The following SLC2A1 variants were observed in gnomAD, a reference collection of about 807,000 sequenced individuals.
The protein encoded by SLC2A1 is solute carrier family 2 member 1.
Under a neutral mutation model 46.6 loss-of-function variants are expected in SLC2A1, and 4 were observed. The ratio of observed to expected loss-of-function variants is 0.09; its 90% CI spans 0.04 to 0.20. The LOEUF is 0.20. Among genes scored for constraint, SLC2A1 ranks in the 10% least tolerant of loss-of-function variants. SLC2A1 has a pLI of 1.00. For missense variants in SLC2A1, 352 were observed against 667.0 expected, an observed-to-expected ratio of 0.53 and a Z score of 5.20; for synonymous variants, 253 against 270.0, an observed-to-expected ratio of 0.94 and a Z score of 0.62.
chr1:42,951,641 T>C (rs1643721066), intron 1 of SLC2A1: 2 of 393,764 alleles, frequency 5.1e-6, no homozygotes, highest in Non-Finnish European at 4.5e-6. Flanking sequence ...ATTATGCTTC[T>C]CTGTAGTTGG....
At chr1:42,952,785 T>A (rs1643735752) in intron 1 of SLC2A1, 1 of 192,536 alleles carries the variant, frequency 5.2e-6, no homozygotes, top group African/African-American at 2.3e-5. Context: ...TTTGTTTCTT[T>A]CCTTGAACTG....
At chr1:42,941,713 A>G (rs1643599901) in intron 2 of SLC2A1, among the ~76,000 whole-genome samples, 1 of 152,166 alleles carries the variant, frequency 6.6e-6, no homozygotes, top group South Asian at 2.1e-4. Context: ...CCAAGTGGAG[A>G]GCTCAACCTC....
At chr1:42,938,943 C>T (rs1195007045) in intron 2 of SLC2A1, among the ~76,000 whole-genome samples, 2 of 152,268 alleles carry the variant, frequency 1.3e-5, no homozygotes, top group East Asian at 1.9e-4. Context: ...GGGTCTCTCC[C>T]ACTGCTGTGG....
intron 1 of SLC2A1, among the ~76,000 whole-genome samples, chr1:42,955,160 G>T (rs2124474645): frequency 6.6e-6 from 1 of 152,334 alleles, no homozygotes; most frequent in East Asian, 1.9e-4. Flanking sequence ...GTCACCCACA[G>T]CCCAGGTAAG....
At chr1:42,957,368 G>A (rs992581315) in intron 1 of SLC2A1, among the ~76,000 whole-genome samples, 6 of 152,176 alleles carry the variant, frequency 3.9e-5, no homozygotes, top group South Asian at 2.1e-4. Flanking sequence ...GGTGTGGGGC[G>A]GAAGGCCTTT....
At chr1:42,955,331 G>A (rs890453866) in intron 1 of SLC2A1, among the ~76,000 whole-genome samples, 1 of 152,194 alleles carries the variant, frequency 6.6e-6, no homozygotes, top group Non-Finnish European at 1.5e-5. Flanking sequence ...ATGTTTGGCC[G>A]GGTGCGGTAG....
At chr1:42,944,109 G>A (rs1643626917) in intron 1 of SLC2A1, among the ~76,000 whole-genome samples, 1 of 152,200 alleles carries the variant, frequency 6.6e-6, no homozygotes, top group Admixed American at 6.5e-5. Context: ...ATGCTAGGCG[G>A]GAATGCACTT....
At chr1:42,937,911 C>T (rs758529835) in intron 2 of SLC2A1, among the ~76,000 whole-genome samples, 1 of 152,222 alleles carries the variant, frequency 6.6e-6, no homozygotes, top group African/African-American at 2.4e-5. Flanking sequence ...CTCTTTCACT[C>T]ACCAAGCTGG....
At position 42,927,347 on chromosome 1, in the gene SLC2A1, C is replaced by T. The variant is rs993741240; in HGVS notation, c.1279-106G>A. ...TTGGGCCTTTGAGCTGAAAAGGGAACATCCACCTACCCAGGGATGCTATCA... is the reference window on the plus strand; with the variant it reads ...TTGGGCCTTTGAGCTGAAAAGGGAATATCCACCTACCCAGGGATGCTATCA... On this transcript the variant is annotated intron_variant, in intron 9 of 9. Coordinates refer to ENST00000426263, the MANE Select transcript of SLC2A1 (RefSeq NM_006516.4). The surrounding 1 kb of genome is among the most constrained non-coding windows in gnomAD (Gnocchi z 5.3). 9.8e-7 allele frequency: 1 copy of T among 1,023,994 alleles called. No individual in the cohort carries two copies. Among genetic ancestry groups the T allele is most frequent in the South Asian group, 1.3e-5 (1 of 75,050 alleles). The allele number at this position is 1,023,994 out of a possible 1,614,324, so 63.4% of individuals were successfully genotyped here.
chr1:42,955,488 T>G (rs1193239432), intron 1 of SLC2A1, among the ~76,000 whole-genome samples: 1 of 152,160 alleles, frequency 6.6e-6, no homozygotes, highest in Admixed American at 6.5e-5. Context: ...CGCATGTCTG[T>G]GGTTCCAGCT....
intron 1 of SLC2A1, among the ~76,000 whole-genome samples, 183 bp downstream of exon 1, chr1:42,958,451 T>C (rs1643804559): frequency 6.7e-6 from 1 of 150,124 alleles, no homozygotes; most frequent in African/African-American, 2.4e-5. Context: ...CCATCCCCAC[T>C]GCGGCCAGCG....
At chr1:42,950,750 A>G (rs12066904) in intron 1 of SLC2A1, among the ~76,000 whole-genome samples, 10,183 of 152,192 alleles carry the variant, frequency 0.067, 698 homozygotes, top group African/African-American at 0.16. Context: ...AGGTGGGCGG[A>G]TCACCTGAGG....
chr1:42,953,944 CG>C (rs1557655023), intron 1 of SLC2A1, among the ~76,000 whole-genome samples: 1 of 152,156 alleles, frequency 6.6e-6, no homozygotes, highest in Non-Finnish European at 1.5e-5. Context: ...ATTTAGGGCA[CG>C]GGGCCAGTCT....
chr1:42,942,416 CCCCTTTTCCT>C (rs1372965451), intron 2 of SLC2A1, among the ~76,000 whole-genome samples: 1 of 151,956 alleles, frequency 6.6e-6, no homozygotes, highest in Non-Finnish European at 1.5e-5. Flanking sequence ...TACCCCCTAC[CCCCTTTTCCT>C]CTTCTCTCCT....
Position 42,928,929 on chromosome 1 carries a change from C to T in SLC2A1, c.1074+3G>A. The T allele has an allele frequency of 6.2e-7, 1 of 1,612,980 alleles. No individual in the cohort carries two copies. The highest frequency in any genetic ancestry group is 1.7e-4 in the Middle Eastern group (1 of 6,060). ...CCTCACTCTCCAGAACCTAGCAACT[C>T]ACCAGCAGTGCTAGCGCGATGGTCA... On this transcript the variant is annotated splice_donor_region_variant and intron_variant, in intron 8 of 9. Coordinates refer to ENST00000426263, the MANE Select transcript of SLC2A1 (RefSeq NM_006516.4).
chr1:42,955,795 C>T (rs1363236116), intron 1 of SLC2A1, among the ~76,000 whole-genome samples: 1 of 152,202 alleles, frequency 6.6e-6, no homozygotes, highest in African/African-American at 2.4e-5. Flanking sequence ...CCCTTGCGTG[C>T]TGCCCAGGAG....
intron 1 of SLC2A1, among the ~76,000 whole-genome samples, chr1:42,956,217 G>T (rs1181472521): frequency 6.6e-6 from 1 of 152,054 alleles, no homozygotes; most frequent in Non-Finnish European, 1.5e-5. Context: ...TTTTATGAAG[G>T]CATATCATCT....
chr1:42,946,479 G>A (rs1409357211), intron 1 of SLC2A1, among the ~76,000 whole-genome samples: 1 of 152,170 alleles, frequency 6.6e-6, no homozygotes, highest in East Asian at 1.9e-4. Flanking sequence ...TGTGGTCTGG[G>A]CTTCAACAGG....
intron 1 of SLC2A1, among the ~76,000 whole-genome samples, chr1:42,945,851 T>C (rs1417455372): frequency 6.6e-6 from 1 of 152,240 alleles, no homozygotes; most frequent in Non-Finnish European, 1.5e-5. Flanking sequence ...TTTCATTTTA[T>C]AGCCTTTGGC....
Sources: gnomAD v4.1 joint callset for allele counts (sites outside exome capture counted in the v4.1 genomes callset) on GRCh38, gnomAD v4.1.1 for gene constraint, Gnocchi (gnomAD v3.1) non-coding constraint, MANE v1.5 for transcripts, NCBI Gene and HGNC (gene_info 2026-07-23, HGNC 2026-07-21) for gene names.